HDGFL2: variants seen among roughly 807,000 people sequenced by gnomAD.
The protein encoded by HDGFL2 is HDGF like 2.
Under a neutral mutation model 77.1 loss-of-function variants are expected in HDGFL2, and 36 were observed. That is an observed-to-expected ratio of 0.47 (90% CI 0.36 to 0.62). The LOEUF is 0.62. Ranked by LOEUF, HDGFL2 falls within the 20% of genes least tolerant of loss-of-function variation. The probability of loss-of-function intolerance (pLI) is 0.00; values close to 1 mark genes in which losing one functional copy is unlikely to be tolerated. For synonymous variants in HDGFL2, 463 were observed against 413.1 expected (o/e 1.12, Z -1.46); for missense variants, 976 against 973.4 (o/e 1.00, Z -0.04).
intron 14 of HDGFL2, among the ~76,000 whole-genome samples, chr19:4,500,484 G>A (rs1323653197): frequency 2.8e-5 from 4 of 144,752 alleles, no homozygotes; most frequent in Admixed American, 6.9e-5. Context: ...TTTTTGAGAC[G>A]GAGTCTTGCT....
intron 3 of HDGFL2, among the ~76,000 whole-genome samples, chr19:4,479,211 G>A (rs1975149626): frequency 6.6e-6 from 1 of 151,872 alleles, no homozygotes; most frequent in African/African-American, 2.4e-5. Context: ...CAGCACTTTG[G>A]GAGACTGAGG....
At chr19:4,479,453 C>T (rs1326599071) in intron 3 of HDGFL2, among the ~76,000 whole-genome samples, 4 of 151,546 alleles carry the variant, frequency 2.6e-5, no homozygotes, top group African/African-American at 4.8e-5. Context: ...CCGGGCGTGG[C>T]ACCTGTAGTC....
intron 3 of HDGFL2, among the ~76,000 whole-genome samples, chr19:4,477,403 T>G (rs536431899): frequency 6.6e-6 from 1 of 152,290 alleles, no homozygotes; most frequent in Admixed American, 6.5e-5. Context: ...GTATTTTACT[T>G]TAACACCCAT....
chr19:4,494,852 G>A (rs1006051930), intron 9 of HDGFL2, among the ~76,000 whole-genome samples: 3 of 151,742 alleles, frequency 2.0e-5, no homozygotes, highest in Non-Finnish European at 4.4e-5. Flanking sequence ...CCCAGGAGTT[G>A]GAGGCTGCAG....
chr19:4,493,982 C>G lies in HDGFL2; in HGVS notation c.839C>G (p.Ala280Gly). Residue 280 changes from alanine (A) to glycine (G), a missense_variant and splice_region_variant, in exon 8 of 16, where the codon GCG (alanine) becomes GGG (glycine). Transcript: ENST00000616600. ...VKKPPRGRKP[A>G]EKPLPKPRGR... ...TCACCCCCTCCTCCTCTTCCTGTAGCGGAGAAGCCTCTCCCGAAGCCGCGA... is the reference window on the plus strand; with the variant it reads ...TCACCCCCTCCTCCTCTTCCTGTAGGGGAGAAGCCTCTCCCGAAGCCGCGA... The G allele has an allele frequency of 5.6e-6, 9 of 1,607,400 alleles. No homozygotes were observed. The highest frequency in any genetic ancestry group is 7.6e-6 in the Non-Finnish European group (9 of 1,177,550).
rs756177228 is a variant in HDGFL2 at position 4,491,640 on chromosome 19, G to T, written c.564G>T (p.Glu188Asp). ...CCAGCGTGTCCCCATCCGAAGAGGA[G>T]AACTCGGAAAGCTCATCTGAGTCGG... ...DQASVSPSEE[E>D]NSESSSESEK... Residue 188 changes from glutamate (E) to aspartate (D), a missense_variant, in exon 5 of 16, where the codon GAG becomes GAT. Glu to Asp is a conservative substitution (Grantham distance 45, BLOSUM62 2). This residue lies in a region of HDGFL2 where 567 missense variants were observed against 534.7 expected (regional missense o/e 1.06). Transcript: ENST00000616600. 6.2e-7 allele frequency: 1 copy of T among 1,614,024 alleles called. No individual in the cohort carries two copies. Among genetic ancestry groups the T allele is most frequent in the Middle Eastern group, 1.6e-4 (1 of 6,062 alleles).
chr19:4,490,456 C>T (rs1013051416), intron 4 of HDGFL2, among the ~76,000 whole-genome samples: 4 of 152,116 alleles, frequency 2.6e-5, no homozygotes, highest in South Asian at 2.1e-4. Flanking sequence ...ATCCACATGT[C>T]GCTGGCCATT....
At chr19:4,495,908 C>T (rs1163610515) in intron 9 of HDGFL2, among the ~76,000 whole-genome samples, 1 of 152,128 alleles carries the variant, frequency 6.6e-6, no homozygotes, top group African/African-American at 2.4e-5. Flanking sequence ...GACTGAGTGC[C>T]TGGGGCCCAC....
At chr19:4,480,713 C>T (rs1034930660) in intron 3 of HDGFL2, among the ~76,000 whole-genome samples, 9 of 151,472 alleles carry the variant, frequency 5.9e-5, no homozygotes, top group East Asian at 2.0e-4. Context: ...AGTGAGACTC[C>T]GTCTCAAAAA....
At chr19:4,501,425 G>GA in intron 15 of HDGFL2, 108 bp downstream of exon 15, 2 of 1,346,918 alleles carry the variant, frequency 1.5e-6, no homozygotes, top group Non-Finnish European at 2.0e-6. Flanking sequence ...ATGGGTCCCA[G>GA]GGATGTCGTC....
At position 4,475,571 on chromosome 19, in the gene HDGFL2, C is replaced by A; in HGVS notation, c.276C>A (p.Tyr92Ter). Residue 92 changes from tyrosine (Y) to a stop codon, truncating the protein, a stop_gained, in exon 3 of 16, where the codon TAC becomes TAA. Coordinates refer to ENST00000616600, the MANE Select transcript of HDGFL2 (RefSeq NM_001001520.3). LOFTEE classifies it high-confidence loss of function. ...WEIQNNPHAS[Y>*]SAPPPVSSSD... ...TCCAGAACAACCCCCACGCCAGCTA[C>A]AGCGCCCCTCCGGTGAGTACCCGGG... The A allele has an allele frequency of 1.3e-6, 2 of 1,580,072 alleles. No individual in the cohort carries two copies. Among genetic ancestry groups the A allele is most frequent in the Non-Finnish European group, 1.7e-6 (2 of 1,169,770 alleles).
chr19:4,492,120 G>A (rs534207775), intron 6 of HDGFL2, among the ~76,000 whole-genome samples: 1 of 152,336 alleles, frequency 6.6e-6, no homozygotes, highest in East Asian at 1.9e-4. Flanking sequence ...GAGAAAGCAA[G>A]AGCGCGAGAG....
In HDGFL2 at chr19:4,499,526, G is replaced by T; in HGVS notation, c.1611G>T (p.Glu537Asp). Reference sequence around the variant, plus strand: ...ACAAAGCGAACAAGGACGTAATGGAGAAGGCAGCAGAAGTCTATACCCGGC... The same window carrying T: ...ACAAAGCGAACAAGGACGTAATGGATAAGGCAGCAGAAGTCTATACCCGGC... ...RRYKANKDVM[E>D]KAAEVYTRLK... The change falls in exon 14 of 16, where the codon GAG (glutamate) becomes GAT (aspartate). Residue 537 changes from glutamate (E) to aspartate (D), a missense_variant. By Grantham distance (45) the Glu-to-Asp change is conservative (BLOSUM62 2). Around this residue, in one of 5 missense-constraint regions of HDGFL2, gnomAD observed 46 missense variants for 81.3 expected, o/e 0.57. Coordinates refer to ENST00000616600, the MANE Select transcript of HDGFL2 (RefSeq NM_001001520.3). 6.2e-7 allele frequency: 1 copy of T among 1,613,938 alleles called. No homozygotes were observed. The highest frequency in any genetic ancestry group is 8.5e-7 in the Non-Finnish European group (1 of 1,179,978).
At chr19:4,492,965 C>CTG (rs1163630194) in intron 6 of HDGFL2, among the ~76,000 whole-genome samples, 19 of 98,492 alleles carry the variant, frequency 1.9e-4, no homozygotes, top group African/African-American at 7.3e-4. Context: ...TGTGAGTTGT[C>CTG]TGTGGTGTGT....
chr19:4,501,255 G>A lies in HDGFL2; in HGVS notation c.1854G>A (p.Glu618=), dbSNP rs182766169. 20 of 1,613,616 alleles carry A rather than the reference G, an allele frequency of 1.2e-5. No individual in the cohort carries two copies. The East Asian group carries it at 4.0e-4, about 32-fold the overall frequency. ...SQKGESAEDK[E]HEEGRDSEEG... is the part of the protein sequence containing the mutation. ...AGGGGGAGAGCGCAGAGGACAAGGAGCACGAGGAGGGTCGGGACTCGGAGG... is the reference window on the plus strand; with the variant it reads ...AGGGGGAGAGCGCAGAGGACAAGGAACACGAGGAGGGTCGGGACTCGGAGG... The change falls in exon 15 of 16, where the codon GAG becomes GAA. Residue 618 remains glutamate, a synonymous_variant. Transcript: ENST00000616600.
At chr19:4,493,615 AG>A (rs765615539) in intron 6 of HDGFL2, 87 bp from the exon 7 acceptor site, 15 of 1,295,382 alleles carry the variant, frequency 1.2e-5, no homozygotes, top group Admixed American at 3.9e-5. Flanking sequence ...TGGCGGCTGC[AG>A]GGGTGCGGGA....
rs1190418069 is a variant in HDGFL2, at chr19:4,491,255, C to A, written c.490-311C>A. On this transcript the variant is annotated intron_variant, in intron 4 of 15. Transcript: ENST00000616600. ...TGAAACACTCACTCCCACCACCCAC[C>A]CCCCCACCCCCCCACCCCCCCACCC... is the stretch of plus-strand genomic sequence containing the variant. Among the ~76,000 whole-genome samples the A allele has an allele frequency of 3.2e-4, 26 of 81,510 alleles. No homozygotes were observed. The East Asian group carries it at 7.9e-3, about 25-fold the overall frequency. The allele number at this position is 81,510 out of a possible 152,430, so 53.5% of individuals were successfully genotyped here.
chr19:4,492,569 G>A (rs1021062574), intron 6 of HDGFL2, among the ~76,000 whole-genome samples: 1 of 151,534 alleles, frequency 6.6e-6, no homozygotes, highest in African/African-American at 2.4e-5. Flanking sequence ...TGTGTCTGGT[G>A]TGTCCATGTG....
chr19:4,491,587 C>G lies in HDGFL2; in HGVS notation c.511C>G (p.Arg171Gly). 1 of 1,613,780 alleles carries G rather than the reference C, an allele frequency of 6.2e-7. No individual in the cohort carries two copies. The highest frequency in any genetic ancestry group is 8.5e-7 in the Non-Finnish European group (1 of 1,180,002). ...CCAGATGTCGGTCTCGAAACGAGCC[C>G]GAAAGGCCTCCAGCGACCTGGATCA... ...ALKMSVSKRA[R>G]KASSDLDQAS... The change falls in exon 5 of 16, where the codon CGA becomes GGA. Residue 171 changes from arginine to glycine, a missense_variant. Coordinates refer to ENST00000616600, the MANE Select transcript of HDGFL2 (RefSeq NM_001001520.3).
Sources: gnomAD v4.1 joint callset for allele counts (sites outside exome capture counted in the v4.1 genomes callset) on GRCh38, gnomAD v4.1.1 for gene constraint, gnomAD v4.1.1 regional missense constraint, MANE v1.5 for transcripts, NCBI Gene and HGNC (gene_info 2026-07-23, HGNC 2026-07-21) for gene names.